The following DHX57 variants were observed in gnomAD, a reference collection of about 807,000 sequenced individuals.
DHX57 encodes DExH-box helicase 57, also known as putative ATP-dependent RNA helicase DHX57.
In DHX57, 105 loss-of-function variants were observed where a neutral mutation model predicts 156.2. The observed-to-expected ratio is 0.67, with a 90% confidence interval of 0.57 to 0.79. The LOEUF is 0.79. Ranked by LOEUF, DHX57 falls within the 30% of genes least tolerant of loss-of-function variation. The probability of loss-of-function intolerance (pLI) is 0.00; values close to 1 mark genes in which losing one functional copy is unlikely to be tolerated. For synonymous variants in DHX57, 704 were observed against 595.6 expected (o/e 1.18, Z -2.65); for missense variants, 1,847 against 1,661.9 (o/e 1.11, Z -1.94).
At chr2:38,799,998 A>T (rs991916393) in intron 23 of DHX57, among the ~76,000 whole-genome samples, 1 of 151,960 alleles carries the variant, frequency 6.6e-6, no homozygotes, top group Admixed American at 6.6e-5. Context: ...GACCAGGCTG[A>T]CCAACATGGA....
chr2:38,875,209 CTATT>C (rs1482488080), intron 1 of DHX57, among the ~76,000 whole-genome samples: 1 of 152,218 alleles, frequency 6.6e-6, no homozygotes, highest in Non-Finnish European at 1.5e-5. Flanking sequence ...ATTCCACTAT[CTATT>C]CCATCTAGCC....
intron 13 of DHX57, among the ~76,000 whole-genome samples, chr2:38,833,179 G>A (rs1360762720): frequency 6.6e-6 from 1 of 151,836 alleles, no homozygotes; most frequent in Non-Finnish European, 1.5e-5. Context: ...TCTTGCTCTT[G>A]TAGCCCAGGC....
chr2:38,812,222 A>G (rs961674336), intron 21 of DHX57, among the ~76,000 whole-genome samples: 3 of 152,042 alleles, frequency 2.0e-5, no homozygotes, highest in Non-Finnish European at 4.4e-5. Context: ...CTATATCCAA[A>G]TGACTTTTTT....
In DHX57 at chr2:38,819,055, C is replaced by A. The variant is rs72911273; in HGVS notation, c.3381G>T (p.Ala1127=). Residue 1127 remains alanine, a synonymous_variant, in exon 18 of 24, where the codon GCG becomes GCT. Coordinates refer to ENST00000457308, the MANE Select transcript of DHX57 (RefSeq NM_198963.3). ...TATTAGGTTATATACTTACCTTATA[C>A]GCTTGTAGAAGGGCCAGATAATCAC... The part of the protein sequence containing the change: ...ANSDYLALLQ[A]YKGWQLSTKE... The A allele has an allele frequency of 3.7e-6, 6 of 1,614,070 alleles. No individual in the cohort carries two copies. The African/African-American group carries it at 8.0e-5, about 22-fold the overall frequency.
chr2:38,853,044 G>GTTTTCTT (rs1553333761), intron 9 of DHX57: 1 of 153,066 alleles, frequency 6.5e-6, no homozygotes, highest in Admixed American at 7.2e-5. Context: ...TCATATTTCA[G>GTTTTCTT]TTTTCTTTTC....
In DHX57 at chr2:38,858,728, T is replaced by C. The variant is rs763915982; in HGVS notation, c.1520A>G (p.Tyr507Cys). ...ATGTACTGACTTTGCCTGCCAGTCA[T>C]ATCTTTTGGAAATCTTTTTCTTAAG... ...VNLKKKISKR[Y>C]DWQAKSVHAE... The change falls in exon 6 of 24, where the codon TAT becomes TGT. Residue 507 changes from tyrosine (Y) to cysteine (C), a missense_variant. Coordinates refer to ENST00000457308, the MANE Select transcript of DHX57 (RefSeq NM_198963.3). 1.9e-6 allele frequency: 3 copies of C among 1,614,184 alleles called. No homozygotes were observed. The highest frequency in any genetic ancestry group is 2.2e-5 in the East Asian group (1 of 44,878).
chr2:38,798,120 G>A lies in DHX57; in HGVS notation c.*179C>T, dbSNP rs1669476600. On this transcript the variant is annotated 3_prime_UTR_variant, in exon 24 of 24. Coordinates refer to ENST00000457308, the MANE Select transcript of DHX57 (RefSeq NM_198963.3). ...CCAAATTGTGCTGGGAGTGGCCAAG[G>A]CTTTGTTAGAAATGGCCCTAAGGGT... is the stretch of plus-strand genomic sequence containing the variant. The A allele has an allele frequency of 1.5e-6, 1 of 663,168 alleles. No individual in the cohort carries two copies. The highest frequency in any genetic ancestry group is 3.7e-5 in the Admixed American group (1 of 27,142). 41.1% of individuals were successfully genotyped at this position (663,168 alleles called of 1,614,324 possible).
rs777319137 is a variant in DHX57 at position 38,863,483 on chromosome 2, G to C, written c.261C>G (p.Arg87=). The C allele has an allele frequency of 4.3e-6, 7 of 1,613,860 alleles. No individual in the cohort carries two copies. Among genetic ancestry groups the C allele is most frequent in the African/African-American group, 1.3e-5 (1 of 74,868 alleles). Residue 87 remains arginine (R), a synonymous_variant, in exon 3 of 24, where the codon CGC becomes CGG. Transcript: ENST00000457308. Reference sequence around the variant, plus strand: ...CTTTGGCTTTGGGTTTCCATTTTGGGCGTGACTCTCCTTTGCTTATGTTAC... The same window carrying C: ...CTTTGGCTTTGGGTTTCCATTTTGGCCGTGACTCTCCTTTGCTTATGTTAC... ...SNSNISKGES[R]PKWKPKAKVP...
rs543609570 is a variant in DHX57, at chr2:38,861,055, G to A, written c.1355C>T (p.Ala452Val). ...ATTTGGAATCACTGTTTTATGACAG[G>A]CAGGATTATTTATTCTGGTCCTAGA... Reference protein sequence around the residue: ...VPSRTRINNPACHKTVIPNNS... With the variant: ...VPSRTRINNPVCHKTVIPNNS... Residue 452 changes from alanine to valine, a missense_variant, in exon 5 of 24, where the codon GCC (alanine) becomes GTC (valine). By Grantham distance (64) the Ala-to-Val change is moderately conservative. Transcript: ENST00000457308. The A allele has an allele frequency of 1.2e-6, 2 of 1,614,078 alleles. No individual in the cohort carries two copies. Among genetic ancestry groups the A allele is most frequent in the Middle Eastern group, 1.6e-4 (1 of 6,062 alleles).
chr2:38,829,488 T>A (rs921429322), intron 13 of DHX57, among the ~76,000 whole-genome samples: 2 of 151,956 alleles, frequency 1.3e-5, no homozygotes, highest in Admixed American at 6.6e-5. Context: ...GTCAGGCTGG[T>A]CTCGAACTCC....
intron 9 of DHX57, among the ~76,000 whole-genome samples, chr2:38,849,534 A>C (rs1672471722): frequency 8.8e-6 from 1 of 113,040 alleles, no homozygotes; most frequent in Non-Finnish European, 1.9e-5. Context: ...CGATATAGCA[A>C]GACCCCATCT....
At chr2:38,858,520 GT>G in intron 6 of DHX57, 140 bp downstream of exon 6, 1 of 1,137,178 alleles carries the variant, frequency 8.8e-7, no homozygotes, top group Non-Finnish European at 1.2e-6. Flanking sequence ...TAAGTTTGCT[GT>G]GGCCTGTAGA....
intron 9 of DHX57, 36 bp downstream of exon 9, chr2:38,854,018 G>C (rs1386831815): frequency 1.9e-6 from 3 of 1,570,072 alleles, no homozygotes; most frequent in East Asian, 4.6e-5. Flanking sequence ...TTCAATTCAG[G>C]TGAGTGTGTG....
chr2:38,801,797 A>G (rs369194044), intron 23 of DHX57, among the ~76,000 whole-genome samples: 130 of 152,218 alleles, frequency 8.5e-4, no homozygotes, highest in African/African-American at 2.8e-3. Flanking sequence ...GGGTTTCACC[A>G]TATTGGCCAG....
intron 12 of DHX57, among the ~76,000 whole-genome samples, 197 bp downstream of exon 12, chr2:38,842,808 A>T (rs916415934): frequency 6.6e-6 from 1 of 152,162 alleles, no homozygotes; most frequent in Non-Finnish European, 1.5e-5. Flanking sequence ...TAGAAAAAAA[A>T]CCCATTGGCA....
chr2:38,819,294 C>G, intron 17 of DHX57, 150 bp from the exon 18 acceptor site: 1 of 714,138 alleles, frequency 1.4e-6, no homozygotes, highest in Non-Finnish European at 2.3e-6. Context: ...CCTGCCTCAG[C>G]CTCCCTGGTA....
chr2:38,817,114 T>C (rs1558362223), intron 19 of DHX57, among the ~76,000 whole-genome samples: 1 of 152,076 alleles, frequency 6.6e-6, no homozygotes. Flanking sequence ...TATTTTTTTG[T>C]AGAGATGGGG....
intron 13 of DHX57, 146 bp from the exon 14 acceptor site, chr2:38,828,582 A>G (rs1385045770): frequency 1.7e-6 from 1 of 575,744 alleles, no homozygotes; most frequent in East Asian, 3.2e-5. Flanking sequence ...AATATGCAAT[A>G]ATCTGAGAAT....
At chr2:38,826,132 G>T in intron 15 of DHX57, 85 bp from the exon 16 acceptor site, 2 of 1,370,864 alleles carry the variant, frequency 1.5e-6, no homozygotes, top group Non-Finnish European at 2.0e-6. Flanking sequence ...AGATGAACCA[G>T]CTTCCTCCTG....
Sources: allele counts gnomAD v4.1 joint callset (sites outside exome capture counted in the v4.1 genomes callset), GRCh38; gene constraint gnomAD v4.1.1; transcripts MANE v1.5; gene names NCBI Gene and HGNC (gene_info 2026-07-23, HGNC 2026-07-21).